The following CYFIP1 variants were observed in gnomAD, a reference collection of about 807,000 sequenced individuals.
CYFIP1 encodes the protein cytoplasmic FMR1-interacting protein 1.
A neutral mutation model predicts 163.5 loss-of-function variants in CYFIP1; 58 were observed. The observed-to-expected ratio is 0.35, with a 90% confidence interval of 0.29 to 0.44. The LOEUF is 0.44. Among genes scored for constraint, CYFIP1 ranks in the 20% least tolerant of loss-of-function variants. The probability of loss-of-function intolerance (pLI) is 1.00; values close to 1 mark genes in which losing one functional copy is unlikely to be tolerated. For synonymous variants in CYFIP1, 663 were observed against 660.7 expected, an observed-to-expected ratio of 1.00 and a Z score of -0.05; for missense variants, 1,338 against 1,653.8, an observed-to-expected ratio of 0.81 and a Z score of 3.31.
At chr15:22,927,483 CAAA>C (rs1188331935) in intron 12 of CYFIP1, among the ~76,000 whole-genome samples, 192 of 57,478 alleles carry the variant, frequency 3.3e-3, no homozygotes, top group Admixed American at 5.2e-3. Context: ...AACTCCGTCT[CAAA>C]AAAAAAAAAA....
At chr15:22,946,243 G>C (rs1350499840) in intron 3 of CYFIP1, among the ~76,000 whole-genome samples, 1 of 151,656 alleles carries the variant, frequency 6.6e-6, no homozygotes, top group Non-Finnish European at 1.5e-5. Context: ...GGTTGAGGCT[G>C]CAGTGAGCCC....
rs1768561549 is a variant in CYFIP1, at chr15:22,914,828, AG to A, written c.1882del (p.Leu628TrpfsTer3). On this transcript the variant is annotated frameshift_variant, in exon 17 of 31. Transcript: ENST00000617928. LOFTEE classifies it high-confidence loss of function. ...LSQLWFREFFLELTMGRRIQF... is the reference protein window; with the variant it reads ...LSQLWFREFFXELTMGRRIQF... ...GATCCTCCTGCCCATGGTCAGCTCC[AG>A]GAAGAACTCTCGGAACCACAGCTGC... The A allele has an allele frequency of 1.2e-6, 2 of 1,613,490 alleles. No homozygotes were observed. Among genetic ancestry groups the A allele is most frequent in the South Asian group, 1.1e-5 (1 of 91,052 alleles).
At chr15:22,904,160 T>TG in intron 21 of CYFIP1, 1 of 558,090 alleles carries the variant, frequency 1.8e-6, no homozygotes, top group African/African-American at 1.9e-5. Flanking sequence ...CAGCACCCTG[T>TG]GGGGCAGCGT....
At chr15:22,960,782 G>C (rs1260295611) in intron 1 of CYFIP1, among the ~76,000 whole-genome samples, 4 of 152,188 alleles carry the variant, frequency 2.6e-5, no homozygotes, top group African/African-American at 7.2e-5. Context: ...GGAAAAGCCT[G>C]GAGTGTGTTT....
intron 1 of CYFIP1, among the ~76,000 whole-genome samples, chr15:22,965,720 A>G (rs2062879549): frequency 6.6e-6 from 1 of 152,200 alleles, no homozygotes; most frequent in African/African-American, 2.4e-5. Context: ...TTTATCTAAC[A>G]GGGATAACGA....
intron 21 of CYFIP1, among the ~76,000 whole-genome samples, chr15:22,905,970 A>T (rs1197737214): frequency 6.6e-6 from 1 of 151,860 alleles, no homozygotes. Flanking sequence ...CATGTTAGCC[A>T]GGATGGTCTT....
In CYFIP1 at chr15:22,869,244, G is replaced by T. The variant is rs1265288551; in HGVS notation, c.*784C>A. The T allele has an allele frequency of 6.6e-6, 1 of 152,144 alleles. No individual in the cohort carries two copies. The highest frequency in any genetic ancestry group is 2.4e-5 in the African/African-American group (1 of 41,392). 9.4% of individuals were successfully genotyped at this position (152,144 alleles called of 1,614,324 possible). ...GAGTAGCCTCTTCATATCCAGATTG[G>T]AGCAGCCAACACGGCCGTTTTACAC... On this transcript the variant is annotated 3_prime_UTR_variant, in exon 31 of 31. Transcript: ENST00000617928.
chr15:22,980,151 AGGCCGCGCCGCCGGGGT>A (rs2063430926), intron 1 of CYFIP1, 119 bp downstream of exon 1: 1 of 79,628 alleles, frequency 1.3e-5, no homozygotes, highest in Non-Finnish European at 2.3e-5. Context: ...GCCGCCGGGG[AGGCCGCGCCGCCGGGGT>A]TGGGGGGGAG....
In CYFIP1 at chr15:22,926,244, G is replaced by A. The variant is rs145396040; in HGVS notation, c.1234-137C>T. 3,352 of 1,266,576 alleles carry A rather than the reference G, an allele frequency of 2.6e-3. 7 individuals are homozygous for A. Among genetic ancestry groups the A allele is most frequent in the Non-Finnish European group, 3.3e-3 (2,988 of 907,258 alleles). 78.5% of individuals were successfully genotyped at this position (1,266,576 alleles called of 1,614,324 possible). On this transcript the variant is annotated intron_variant, in intron 12 of 30. Transcript: ENST00000617928. ...CATTCTGAAAGTCACACATGAGGGC[G>A]CACACACCGTCCATCTCCACAGATG...
intron 22 of CYFIP1, among the ~76,000 whole-genome samples, chr15:22,894,365 C>T (rs1167763610): frequency 6.7e-6 from 1 of 149,436 alleles, no homozygotes; most frequent in Non-Finnish European, 1.5e-5. Context: ...TCTTGGCTCA[C>T]CACAACCTCC....
chr15:22,923,665 C>G (rs924558580), intron 13 of CYFIP1, among the ~76,000 whole-genome samples: 1 of 152,104 alleles, frequency 6.6e-6, no homozygotes, highest in Non-Finnish European at 1.5e-5. Flanking sequence ...CTCATAGAGG[C>G]TGGGCATGGT....
At chr15:22,894,679 C>T (rs552092431) in intron 22 of CYFIP1, among the ~76,000 whole-genome samples, 1 of 151,600 alleles carries the variant, frequency 6.6e-6, no homozygotes, top group Admixed American at 6.6e-5. Flanking sequence ...AGAAAGCAGG[C>T]CTTAATTTAT....
At position 22,869,680 on chromosome 15, in the gene CYFIP1, G is replaced by A. The variant is rs995661115; in HGVS notation, c.*348C>T. ...TAAATAGTTACAGTTAATGGTAACT[G>A]GCAAGGGATTTAATGCATTTGCTGG... On this transcript the variant is annotated 3_prime_UTR_variant, in exon 31 of 31. Coordinates refer to ENST00000617928, the MANE Select transcript of CYFIP1 (RefSeq NM_014608.6). 2.9e-5 allele frequency: 5 copies of A among 173,642 alleles called. No individual in the cohort carries two copies. Among genetic ancestry groups the A allele is most frequent in the Admixed American group, 1.3e-4 (2 of 15,880 alleles). The allele number at this position is 173,642 out of a possible 1,614,324, so 10.8% of individuals were successfully genotyped here.
At chr15:22,915,219 C>T (rs566301116) in intron 16 of CYFIP1, 4 of 198,996 alleles carry the variant, frequency 2.0e-5, no homozygotes, top group Admixed American at 6.0e-5. Context: ...CAGCCTTCAA[C>T]TCCTGGGCTC....
chr15:22,929,631 C>CAAAAA (rs35408380), intron 11 of CYFIP1, among the ~76,000 whole-genome samples: 4 of 42,260 alleles, frequency 9.5e-5, no homozygotes, highest in South Asian at 1.4e-3. Context: ...GACTCTGTCT[C>CAAAAA]AAAAAAAAAA....
intron 16 of CYFIP1, among the ~76,000 whole-genome samples, chr15:22,915,613 G>A (rs2060947562): frequency 6.6e-6 from 1 of 152,132 alleles, no homozygotes; most frequent in Non-Finnish European, 1.5e-5. Context: ...GCCAGGCGCA[G>A]TGGTGAGCAC....
intron 21 of CYFIP1, among the ~76,000 whole-genome samples, chr15:22,906,832 G>T (rs980414957): frequency 6.6e-6 from 1 of 152,116 alleles, no homozygotes; most frequent in South Asian, 2.1e-4. Context: ...TCCATGGTCC[G>T]TGGGTGTCTG....
rs1458137127 is a variant in CYFIP1, at chr15:22,930,023, G to GA, written c.1111-1996dup. Among the ~76,000 whole-genome samples, 5 of 151,596 alleles carry GA rather than the reference G, an allele frequency of 3.3e-5. No homozygotes were observed. In the South Asian group the frequency reaches 1.0e-3, roughly 32 times the overall value. On this transcript the variant is annotated intron_variant, in intron 11 of 30. Coordinates refer to ENST00000617928, the MANE Select transcript of CYFIP1 (RefSeq NM_014608.6). ...CATTCACCAGGATGTTCAGCTTTCA[G>GA]AAAAAAGAAAATCAACAAACCTAAA...
chr15:22,927,431 C>T (rs149488184), intron 12 of CYFIP1, among the ~76,000 whole-genome samples: 2,175 of 142,928 alleles, frequency 0.015, 91 homozygotes, highest in East Asian at 0.12. Context: ...TGCAGTGAGC[C>T]GAGATCACGC....
Sources: allele counts gnomAD v4.1 joint callset (sites outside exome capture counted in the v4.1 genomes callset), GRCh38; gene constraint gnomAD v4.1.1; transcripts MANE v1.5; gene names NCBI Gene and HGNC (gene_info 2026-07-23, HGNC 2026-07-21).